The following TLN2 variants were observed in gnomAD, a reference collection of about 807,000 sequenced individuals.
TLN2 encodes talin 2.
Under a neutral mutation model 294.7 loss-of-function variants are expected in TLN2, and 118 were observed. The observed-to-expected ratio is 0.40, with a 90% CI of 0.34 to 0.47. The LOEUF (loss-of-function observed/expected upper bound fraction) is 0.47. Among genes scored for constraint, TLN2 ranks in the 20% least tolerant of loss-of-function variants. The pLI, the probability that TLN2 is intolerant of heterozygous loss-of-function variation, is 0.84. For synonymous variants in TLN2, 1,431 were observed against 1,304.5 expected (o/e 1.10, Z -2.09); for missense variants, 3,083 against 3,282.2 (o/e 0.94, Z 1.48).
At chr15:62,474,717 C>T (rs377232336) in intron 1 of TLN2, among the ~76,000 whole-genome samples, 1 of 152,120 alleles carries the variant, frequency 6.6e-6, no homozygotes, top group Non-Finnish European at 1.5e-5. Flanking sequence ...GTTGACGATT[C>T]CTTGAAATAT....
intron 1 of TLN2, among the ~76,000 whole-genome samples, chr15:62,420,496 A>G (rs916231826): frequency 1.3e-5 from 2 of 152,002 alleles, no homozygotes; most frequent in Non-Finnish European, 2.9e-5. Context: ...TCCTGGGTTC[A>G]AGCAATTCTC....
intron 32 of TLN2, among the ~76,000 whole-genome samples, chr15:62,746,330 A>G (rs2061607391): frequency 1.3e-5 from 2 of 152,136 alleles, no homozygotes; most frequent in African/African-American, 4.8e-5. Flanking sequence ...GTACTTTAAA[A>G]GCGCGCATTG....
chr15:62,432,924 G>A (rs1202743089), intron 1 of TLN2, among the ~76,000 whole-genome samples: 2 of 152,100 alleles, frequency 1.3e-5, no homozygotes, highest in Non-Finnish European at 2.9e-5. Context: ...CCAAGGAGAA[G>A]CCCTTGCCAG....
intron 1 of TLN2, among the ~76,000 whole-genome samples, chr15:62,395,098 G>T (rs893370767): frequency 1.3e-5 from 2 of 151,766 alleles, no homozygotes; most frequent in Middle Eastern, 3.4e-3. Flanking sequence ...CTCATTCAGT[G>T]TATGTTTTTG....
At chr15:62,688,903 T>C (rs114673865) in intron 12 of TLN2, among the ~76,000 whole-genome samples, 227 of 152,242 alleles carry the variant, frequency 1.5e-3, no homozygotes, top group African/African-American at 5.3e-3. Context: ...ATATTTGAAA[T>C]GAATTCTTGT....
chr15:62,708,655 G>A lies in TLN2; in HGVS notation c.2326G>A (p.Val776Met), dbSNP rs139110889. The A allele has an allele frequency of 7.7e-5, 124 of 1,614,100 alleles. No homozygotes were observed. In the African/African-American group the frequency reaches 8.0e-4, roughly 10 times the overall value. ...GAAGCAGGTCAGCGCAGCGGCCAGCGTGGTCAGCCAGGCCCTCCATGATCT... is the reference window on the plus strand; with the variant it reads ...GAAGCAGGTCAGCGCAGCGGCCAGCATGGTCAGCCAGGCCCTCCATGATCT... Reference protein sequence around the residue: ...LLKQVSAAASVVSQALHDLLQ... With the variant: ...LLKQVSAAASMVSQALHDLLQ... The change falls in exon 21 of 59, where the codon GTG becomes ATG. Residue 776 changes from valine to methionine, a missense_variant. Val to Met is a conservative substitution (Grantham distance 21). Transcript: ENST00000636159.
chr15:62,734,713 G>A (rs746975638), intron 28 of TLN2, among the ~76,000 whole-genome samples: 6 of 152,224 alleles, frequency 3.9e-5, no homozygotes, highest in Non-Finnish European at 7.3e-5. Context: ...TGATAGATTG[G>A]CAGCTTTGTC....
chr15:62,509,192 T>G (rs1007719744), intron 1 of TLN2, among the ~76,000 whole-genome samples: 4 of 152,254 alleles, frequency 2.6e-5, no homozygotes, highest in Non-Finnish European at 5.9e-5. Context: ...ACATTCTGAC[T>G]ATGATGGCTT....
At chr15:62,425,963 G>A (rs2034682862) in intron 1 of TLN2, among the ~76,000 whole-genome samples, 1 of 152,196 alleles carries the variant, frequency 6.6e-6, no homozygotes, top group South Asian at 2.1e-4. Context: ...TTTGTTTGTG[G>A]TCTTCAATTT....
At chr15:62,425,535 G>A (rs572363929) in intron 1 of TLN2, among the ~76,000 whole-genome samples, 6 of 152,294 alleles carry the variant, frequency 3.9e-5, no homozygotes, top group African/African-American at 1.4e-4. Flanking sequence ...TATAGAGGAG[G>A]GTTAGATGTT....
At chr15:62,551,617 T>C (rs1270363111) in intron 1 of TLN2, among the ~76,000 whole-genome samples, 3 of 152,082 alleles carry the variant, frequency 2.0e-5, no homozygotes, top group Non-Finnish European at 1.5e-5. Context: ...GAGAATCACT[T>C]GAACCTGGGA....
intron 9 of TLN2, among the ~76,000 whole-genome samples, chr15:62,667,186 TC>T (rs1334270500): frequency 6.6e-5 from 10 of 152,252 alleles, no homozygotes; most frequent in Admixed American, 2.0e-4. Context: ...CAGGATGGTC[TC>T]GATCTCCTGA....
At chr15:62,640,239 T>G (rs1282277534) in intron 3 of TLN2, 5 of 456,042 alleles carry the variant, frequency 1.1e-5, no homozygotes, top group Non-Finnish European at 1.8e-5. Flanking sequence ...CTTTGGTGTT[T>G]CTTTGAGAGA....
chr15:62,462,387 C>G (rs2036857625), intron 1 of TLN2, among the ~76,000 whole-genome samples: 1 of 152,252 alleles, frequency 6.6e-6, no homozygotes, highest in Admixed American at 6.5e-5. Context: ...AGTTGGCCCC[C>G]TGCCTGGGTC....
intron 1 of TLN2, among the ~76,000 whole-genome samples, chr15:62,484,339 C>G (rs1252409022): frequency 6.6e-6 from 1 of 152,082 alleles, no homozygotes; most frequent in Non-Finnish European, 1.5e-5. Flanking sequence ...GAAACAAGAG[C>G]AGATGGTACC....
chr15:62,511,262 A>C (rs1396156661), intron 1 of TLN2, among the ~76,000 whole-genome samples: 1 of 152,110 alleles, frequency 6.6e-6, no homozygotes, highest in Non-Finnish European at 1.5e-5. Context: ...GTGTTTTTTT[A>C]TGTTTAGGAA....
At chr15:62,834,541 G>A (rs1220506521) in intron 55 of TLN2, 1 of 152,174 alleles carries the variant, frequency 6.6e-6, no homozygotes, top group Non-Finnish European at 1.5e-5. Context: ...AGTCTTTTGT[G>A]AGCTTAGCCA....
intron 3 of TLN2, chr15:62,638,130 A>G (rs1421770372): frequency 1.2e-5 from 2 of 165,204 alleles, no homozygotes; most frequent in African/African-American, 4.8e-5. Context: ...CTGTGAGAAC[A>G]TAGGCGTCGG....
chr15:62,636,467 G>A (rs914108669), intron 3 of TLN2, among the ~76,000 whole-genome samples: 21 of 152,288 alleles, frequency 1.4e-4, no homozygotes, highest in African/African-American at 5.1e-4. Context: ...TTCTTGGTTT[G>A]TTTCAGTTCT....
Sources: gnomAD v4.1 joint callset for allele counts (sites outside exome capture counted in the v4.1 genomes callset) on GRCh38, gnomAD v4.1.1 for gene constraint, MANE v1.5 for transcripts, NCBI Gene and HGNC (gene_info 2026-07-23, HGNC 2026-07-21) for gene names.